The following ARAP1 variants were observed in gnomAD, a reference collection of about 807,000 sequenced individuals.
The protein encoded by ARAP1 is arf-GAP with Rho-GAP domain, ANK repeat and PH domain-containing protein 1.
ARAP1 carries 76 observed loss-of-function variants against 172.2 expected under a neutral mutation model. The ratio of observed to expected loss-of-function variants is 0.44; its 90% confidence interval spans 0.37 to 0.53. ARAP1 has a LOEUF of 0.53. ARAP1 is among the 20% of genes least tolerant of loss of function. The probability of loss-of-function intolerance (pLI) is 0.00; values close to 1 mark genes in which losing one functional copy is unlikely to be tolerated. For synonymous variants in ARAP1, 804 were observed against 803.3 expected (o/e 1.00, Z -0.01); for missense variants, 1,686 against 1,977.5 (o/e 0.85, Z 2.80).
chr11:72,695,708 A>G lies in ARAP1; in HGVS notation c.3420+10T>C. On this transcript the variant is annotated intron_variant, in intron 24 of 34. Transcript: ENST00000393609. This position sits in a 1 kb window ranked among gnomAD's most constrained non-coding sequence, Gnocchi z 4.4. ...CCCTGCCCTCCACTGCCCACTGGCCAGGGACGCACACTAAACACCACCACA... is the reference window on the plus strand; with the variant it reads ...CCCTGCCCTCCACTGCCCACTGGCCGGGGACGCACACTAAACACCACCACA... 1 of 1,614,198 alleles carries G rather than the reference A, an allele frequency of 6.2e-7. No homozygotes were observed. The highest frequency in any genetic ancestry group is 8.5e-7 in the Non-Finnish European group (1 of 1,180,016).
chr11:72,687,031 C>T (rs922212109), intron 33 of ARAP1, among the ~76,000 whole-genome samples: 1 of 152,234 alleles, frequency 6.6e-6, no homozygotes, highest in South Asian at 2.1e-4. Flanking sequence ...TATCTCTGGA[C>T]CTTTGCCTAA....
chr11:72,707,126 G>A, intron 12 of ARAP1, 49 bp downstream of exon 12: 1 of 1,486,830 alleles, frequency 6.7e-7, no homozygotes, highest in Non-Finnish European at 9.0e-7. Context: ...ATCCCAACTG[G>A]CCAACCCCGC....
At chr11:72,743,900 C>T (rs1030627635) in intron 1 of ARAP1, among the ~76,000 whole-genome samples, 1 of 152,010 alleles carries the variant, frequency 6.6e-6, no homozygotes, top group African/African-American at 2.4e-5. Flanking sequence ...CTTGCCTGAC[C>T]CCCCATTACC....
intron 3 of ARAP1, 141 bp from the exon 4 acceptor site, chr11:72,714,462 C>T: frequency 1.2e-6 from 1 of 817,762 alleles, no homozygotes; most frequent in Non-Finnish European, 1.9e-6. Flanking sequence ...GCACACAGTC[C>T]TCCTCAACTC....
chr11:72,694,283 AGC>A, intron 27 of ARAP1, among the ~76,000 whole-genome samples: 1 of 151,976 alleles, frequency 6.6e-6, no homozygotes, highest in South Asian at 2.1e-4. Flanking sequence ...ATCAGCGAGT[AGC>A]AATCTTCTTA....
intron 2 of ARAP1, among the ~76,000 whole-genome samples, chr11:72,731,904 G>A (rs1466735022): frequency 6.6e-6 from 1 of 152,114 alleles, no homozygotes; most frequent in African/African-American, 2.4e-5. Flanking sequence ...AGATTCTAAA[G>A]TTCATATAAA....
intron 3 of ARAP1, among the ~76,000 whole-genome samples, chr11:72,715,987 A>T (rs921291243): frequency 6.6e-6 from 1 of 151,988 alleles, no homozygotes; most frequent in Non-Finnish European, 1.5e-5. Context: ...CCTGGCTAAC[A>T]CAGTGAAACA....
At chr11:72,724,875 G>A (rs1857637859) in intron 3 of ARAP1, among the ~76,000 whole-genome samples, 1 of 152,172 alleles carries the variant, frequency 6.6e-6, no homozygotes, top group South Asian at 2.1e-4. Context: ...TCCCGACCAT[G>A]GCGCCTGGCC....
chr11:72,699,308 T>C lies in ARAP1; in HGVS notation c.2438+109A>G. The C allele has an allele frequency of 6.5e-7, 1 of 1,531,384 alleles. No individual in the cohort carries two copies. Among genetic ancestry groups the C allele is most frequent in the South Asian group, 1.2e-5 (1 of 81,722 alleles). 94.9% of individuals were successfully genotyped at this position (1,531,384 alleles called of 1,614,324 possible). A position where few individuals can be genotyped will look rare whatever the true frequency, so the allele number is the denominator to read the frequency against. On this transcript the variant is annotated intron_variant, in intron 17 of 34. Coordinates refer to ENST00000393609, the MANE Select transcript of ARAP1 (RefSeq NM_001040118.3). This position sits in a 1 kb window ranked among gnomAD's most constrained non-coding sequence, Gnocchi z 4.2. ...CGGCCCTTGTGCAGCCTCCGTTTGC[T>C]GTGTGACTCTGCGGAGGTCCTCCCC... is the stretch of plus-strand genomic sequence containing the variant.
chr11:72,739,965 A>C (rs962587002), intron 1 of ARAP1, among the ~76,000 whole-genome samples: 2 of 151,912 alleles, frequency 1.3e-5, no homozygotes, highest in Non-Finnish European at 2.9e-5. Context: ...GGCATGGCAC[A>C]CTCCCATCAT....
rs77614850 is a variant in ARAP1, at chr11:72,741,631, C to T, written c.-127-9034G>A. Among the ~76,000 whole-genome samples, 1,146 of 152,248 alleles carry T rather than the reference C, an allele frequency of 7.5e-3. 18 individuals are homozygous for T. Among genetic ancestry groups the T allele is most frequent in the African/African-American group, 0.026 (1,079 of 41,542 alleles). ...CCCAGCGGGAGCAGGAGGGGGACTC[C>T]GAACACCATAAATGAGGCAGAAACA... On this transcript the variant is annotated intron_variant, in intron 1 of 34. Transcript: ENST00000393609. The surrounding 1 kb of genome is among the most constrained non-coding windows in gnomAD (Gnocchi z 4.5).
At chr11:72,687,591 G>C in intron 32 of ARAP1, 89 bp from the exon 33 acceptor site, 3 of 1,611,892 alleles carry the variant, frequency 1.9e-6, no homozygotes, top group East Asian at 2.2e-5. Context: ...GGGTCTGCTA[G>C]TGGTCACAGA....
chr11:72,728,451 T>C (rs1857763632), intron 2 of ARAP1, among the ~76,000 whole-genome samples: 1 of 151,920 alleles, frequency 6.6e-6, no homozygotes, highest in African/African-American at 2.4e-5. Flanking sequence ...CATGGTGGCA[T>C]GCGCCTGTAG....
In ARAP1 at chr11:72,704,236, C is replaced by T; in HGVS notation, c.1908G>A (p.Arg636=). ...ALQPSSSPST[R]RCHLEAKYRE... ...GGTACTTGGCCTCCAGGTGGCACCG[C>T]CGGGTGCTGGGGCTGCTGCTGGGCT... The change falls in exon 14 of 35, where the codon CGG becomes CGA. Residue 636 remains arginine (R), a synonymous_variant. Transcript: ENST00000393609. 1 of 1,613,760 alleles carries T rather than the reference C, an allele frequency of 6.2e-7. No individual in the cohort carries two copies. The highest frequency in any genetic ancestry group is 2.2e-5 in the East Asian group (1 of 44,870).
In ARAP1 at chr11:72,710,491, C is replaced by T; in HGVS notation, c.1310G>A (p.Gly437Asp). ...GCCAGCGCGGTCAGGCTGCTCTGAG[C>T]CTGGAACTCCCAGCAGATAAGCGCT... is the stretch of plus-strand genomic sequence containing the variant. ...LSSAYLLGVPGSEQPDRAGSL... is the reference protein window; with the variant it reads ...LSSAYLLGVPDSEQPDRAGSL... Residue 437 changes from glycine to aspartate, a missense_variant, in exon 10 of 35, where the codon GGC becomes GAC. By Grantham distance (94) the Gly-to-Asp change is moderately conservative. Transcript: ENST00000393609. The surrounding 1 kb of genome is among the most constrained non-coding windows in gnomAD (Gnocchi z 4.3). The T allele has an allele frequency of 1.9e-6, 3 of 1,614,084 alleles. No homozygotes were observed. Among genetic ancestry groups the T allele is most frequent in the Non-Finnish European group, 2.5e-6 (3 of 1,180,002 alleles).
At position 72,710,994 on chromosome 11, in the gene ARAP1, A is replaced by G. The variant is rs1452790783; in HGVS notation, c.1213+27T>C. ...CAGTCTTCTCTACCCTCTTCTACAC[A>G]CACACACAACACCCCACACTCCCCA... On this transcript the variant is annotated intron_variant, in intron 9 of 34. Transcript: ENST00000393609. The surrounding 1 kb of genome is among the most constrained non-coding windows in gnomAD (Gnocchi z 4.3). 8.7e-6 allele frequency: 14 copies of G among 1,613,656 alleles called. No individual in the cohort carries two copies. Among genetic ancestry groups the G allele is most frequent in the Non-Finnish European group, 1.2e-5 (14 of 1,179,872 alleles).
At chr11:72,698,942 G>A in intron 18 of ARAP1, 63 bp downstream of exon 18, 1 of 1,537,262 alleles carries the variant, frequency 6.5e-7, no homozygotes, top group Admixed American at 1.7e-5. Context: ...CATGGGATTG[G>A]CCAGGAGGCC....
At chr11:72,689,225 GGCCCCC>G (rs770325929) in intron 30 of ARAP1, among the ~76,000 whole-genome samples, 29 of 152,324 alleles carry the variant, frequency 1.9e-4, no homozygotes, top group Non-Finnish European at 3.4e-4. Flanking sequence ...GTTCACCTCT[GGCCCCC>G]GCCTCTGCAT....
chr11:72,703,577 C>T (rs1266894510), intron 14 of ARAP1, among the ~76,000 whole-genome samples: 4 of 152,194 alleles, frequency 2.6e-5, no homozygotes, highest in African/African-American at 9.7e-5. Context: ...TGACTCCCAC[C>T]GGGCTTCTAG....
Sources: gnomAD v4.1 joint callset for allele counts (sites outside exome capture counted in the v4.1 genomes callset) on GRCh38, gnomAD v4.1.1 for gene constraint, Gnocchi (gnomAD v3.1) non-coding constraint, MANE v1.5 for transcripts, NCBI Gene and HGNC (gene_info 2026-07-23, HGNC 2026-07-21) for gene names.